Variants in NEURL1B observed in about 807,000 individuals in gnomAD.
The protein encoded by NEURL1B is E3 ubiquitin-protein ligase NEURL1B.
A neutral mutation model predicts 37.4 loss-of-function variants in NEURL1B; 13 were observed. The ratio of observed to expected loss-of-function variants is 0.35; its 90% confidence interval spans 0.23 to 0.55. NEURL1B has a LOEUF of 0.55. NEURL1B is among the 20% of genes least tolerant of loss of function. The probability of loss-of-function intolerance (pLI) is 0.89; values close to 1 mark genes in which losing one functional copy is unlikely to be tolerated. For synonymous variants in NEURL1B, 432 were observed against 426.6 expected (o/e 1.01, Z -0.16); for missense variants, 790 against 879.2 (o/e 0.90, Z 1.28).
intron 2 of NEURL1B, among the ~76,000 whole-genome samples, chr5:172,681,736 G>A (rs1356373684): frequency 1.3e-5 from 2 of 152,198 alleles, no homozygotes; most frequent in African/African-American, 4.8e-5. Context: ...CCGGGGCCTG[G>A]GGCATAATTC....
chr5:172,649,390 C>A (rs1227761662), intron 1 of NEURL1B, among the ~76,000 whole-genome samples: 1 of 104,432 alleles, frequency 9.6e-6, no homozygotes, highest in Non-Finnish European at 1.8e-5. Flanking sequence ...GAGACAGAGT[C>A]TTGCTCTGTT....
chr5:172,682,390 C>G (rs535525618), intron 2 of NEURL1B, among the ~76,000 whole-genome samples: 1 of 152,310 alleles, frequency 6.6e-6, no homozygotes, highest in Admixed American at 6.5e-5. Flanking sequence ...GCCTGGCCAA[C>G]ATGGCAAAGC....
chr5:172,683,611 C>T lies in NEURL1B; in HGVS notation c.770C>T (p.Ala257Val). The T allele has an allele frequency of 7.9e-7, 1 of 1,260,882 alleles. No homozygotes were observed. Among genetic ancestry groups the T allele is most frequent in the Non-Finnish European group, 1.0e-6 (1 of 1,002,476 alleles). 78.1% of individuals were successfully genotyped at this position (1,260,882 alleles called of 1,614,324 possible). A position where few individuals can be genotyped will look rare whatever the true frequency, so the allele number is the denominator to read the frequency against. Reference protein sequence around the residue: ...PGPPPADAAAAAIPCGPRERP... With the variant: ...PGPPPADAAAVAIPCGPRERP... ...CCACCGCCAGCCGACGCCGCGGCCG[C>T]CGCCATTCCGTGCGGGCCCCGTGAG... The change falls in exon 3 of 5, where the codon GCC becomes GTC. Residue 257 changes from alanine to valine, a missense_variant. Ala to Val is a moderately conservative substitution (Grantham distance 64). Coordinates refer to ENST00000369800, the MANE Select transcript of NEURL1B (RefSeq NM_001142651.3). This position sits in a 1 kb window ranked among gnomAD's most constrained non-coding sequence, Gnocchi z 5.6.
chr5:172,650,131 G>A (rs1237784287), intron 1 of NEURL1B, among the ~76,000 whole-genome samples: 1 of 152,170 alleles, frequency 6.6e-6, no homozygotes, highest in African/African-American at 2.4e-5. Context: ...GCATCCCTCA[G>A]GCACGTATTT....
In NEURL1B at chr5:172,689,820, G is replaced by A. The variant is rs3749714; in HGVS notation, c.*2895G>A. The A allele has an allele frequency of 0.097, 14,784 of 152,384 alleles. 770 individuals carry two copies. Among genetic ancestry groups the A allele is most frequent in the African/African-American group, 0.12 (5,026 of 41,510 alleles). The allele number at this position is 152,384 out of a possible 1,614,324, so 9.4% of individuals were successfully genotyped here. A position where few individuals can be genotyped will look rare whatever the true frequency, so the allele number is the denominator to read the frequency against. On this transcript the variant is annotated 3_prime_UTR_variant, in exon 5 of 5. Transcript: ENST00000369800. Reference sequence around the variant, plus strand: ...GTTCCAGCCCCAGCCAGGCCCCTCCGCTGCCCACACCCTGGGAGGAGAAGC... The same window carrying A: ...GTTCCAGCCCCAGCCAGGCCCCTCCACTGCCCACACCCTGGGAGGAGAAGC...
chr5:172,662,102 T>A (rs1757914066), intron 1 of NEURL1B: 1 of 152,118 alleles, frequency 6.6e-6, no homozygotes, highest in African/African-American at 2.4e-5. Flanking sequence ...CTAAATAAGG[T>A]GGTTAAAGGA....
At chr5:172,672,969 G>A (rs1411351456) in intron 2 of NEURL1B, among the ~76,000 whole-genome samples, 2 of 151,986 alleles carry the variant, frequency 1.3e-5, no homozygotes, top group African/African-American at 4.8e-5. Context: ...TGTCCTTTCT[G>A]AAGGTTATAT....
intron 2 of NEURL1B, among the ~76,000 whole-genome samples, chr5:172,673,139 ATGT>A (rs1758163355): frequency 6.6e-6 from 1 of 152,152 alleles, no homozygotes; most frequent in African/African-American, 2.4e-5. Context: ...ATCAGGAAAA[ATGT>A]TGTAATAAAA....
In NEURL1B at chr5:172,641,872, T is replaced by C. The variant is rs1018049679; in HGVS notation, c.31+435T>C. Among the ~76,000 whole-genome samples the C allele has an allele frequency of 5.3e-5, 8 of 152,304 alleles. No homozygotes were observed. Among genetic ancestry groups the C allele is most frequent in the African/African-American group, 1.9e-4 (8 of 41,566 alleles). On this transcript the variant is annotated intron_variant, in intron 1 of 4. Transcript: ENST00000369800. This position sits in a 1 kb window ranked among gnomAD's most constrained non-coding sequence, Gnocchi z 6.4. ...CAGCTGCCGAGAGTGAGGGGTGCTC[T>C]CAGGGGCACCCCAGTTTCCAGCCTC...
chr5:172,655,855 C>T (rs78011901), intron 1 of NEURL1B, among the ~76,000 whole-genome samples: 8,096 of 152,058 alleles, frequency 0.053, 425 homozygotes, highest in African/African-American at 0.14. Context: ...AACCAGAGAC[C>T]GCCCCCTGAG....
At chr5:172,680,942 A>C (rs1412771396) in intron 2 of NEURL1B, among the ~76,000 whole-genome samples, 2 of 152,250 alleles carry the variant, frequency 1.3e-5, no homozygotes, top group Non-Finnish European at 2.9e-5. Flanking sequence ...TTGTAAAAGA[A>C]AGAGGTTTAA....
intron 2 of NEURL1B, among the ~76,000 whole-genome samples, chr5:172,671,824 T>C (rs1434017402): frequency 2.0e-5 from 3 of 152,246 alleles, no homozygotes; most frequent in Admixed American, 1.3e-4. Flanking sequence ...GAGGAAAGAT[T>C]CATGCATCCA....
intron 1 of NEURL1B, among the ~76,000 whole-genome samples, chr5:172,645,644 C>T (rs1408012259): frequency 6.6e-6 from 1 of 152,218 alleles, no homozygotes; most frequent in Non-Finnish European, 1.5e-5. Context: ...TTCACGTTCA[C>T]TTGGGCTTTA....
At chr5:172,662,722 A>G (rs947331636) in intron 1 of NEURL1B, among the ~76,000 whole-genome samples, 1 of 152,180 alleles carries the variant, frequency 6.6e-6, no homozygotes, top group Non-Finnish European at 1.5e-5. Context: ...AGCAGTTCTT[A>G]TGTTGACCGG....
Position 172,683,906 on chromosome 5 carries a change from G to A in NEURL1B, c.1065G>A (p.Leu355=). The change falls in exon 3 of 5, where the codon CTG becomes CTA. Residue 355 remains leucine (L), a synonymous_variant. Coordinates refer to ENST00000369800, the MANE Select transcript of NEURL1B (RefSeq NM_001142651.3). The surrounding 1 kb of genome is among the most constrained non-coding windows in gnomAD (Gnocchi z 5.6). The part of the protein sequence containing the change: ...CDPGVLRPNE[L]PADPDALLDR... ...CGGGCGTGCTACGGCCCAACGAGCT[G>A]CCCGCCGACCCAGACGCGCTGCTCG... The A allele has an allele frequency of 7.1e-7, 1 of 1,414,772 alleles. No individual in the cohort carries two copies. Among genetic ancestry groups the A allele is most frequent in the Non-Finnish European group, 9.3e-7 (1 of 1,079,474 alleles). 87.6% of individuals were successfully genotyped at this position (1,414,772 alleles called of 1,614,324 possible). A position where few individuals can be genotyped will look rare whatever the true frequency, so the allele number is the denominator to read the frequency against.
intron 3 of NEURL1B, among the ~76,000 whole-genome samples, chr5:172,684,994 T>G (rs139211088): frequency 1.3e-5 from 2 of 152,184 alleles, no homozygotes; most frequent in Admixed American, 1.3e-4. Flanking sequence ...TCCCTTTGAC[T>G]CTATTGAAAT....
At position 172,676,846 on chromosome 5, in the gene NEURL1B, C is replaced by T. The variant is rs1267296106; in HGVS notation, c.577+6516C>T. On this transcript the variant is annotated intron_variant, in intron 2 of 4. Coordinates refer to ENST00000369800, the MANE Select transcript of NEURL1B (RefSeq NM_001142651.3). This position sits in a 1 kb window ranked among gnomAD's most constrained non-coding sequence, Gnocchi z 4.5. ...AACTCCACGTGGATAGAGAACTTGG[C>T]CAAGGTTGCATAACTGTTGGTGGTC... 1.3e-5 allele frequency among the ~76,000 whole-genome samples: 2 copies of T among 152,194 alleles called. No homozygotes were observed. Among genetic ancestry groups the T allele is most frequent in the Non-Finnish European group, 1.5e-5 (1 of 68,026 alleles).
intron 2 of NEURL1B, among the ~76,000 whole-genome samples, chr5:172,680,576 CTTTA>C (rs1416416895): frequency 1.3e-5 from 2 of 152,192 alleles, no homozygotes; most frequent in Non-Finnish European, 2.9e-5. Context: ...TTTATTCTAC[CTTTA>C]TTTATATGCC....
chr5:172,650,728 T>A (rs1283321382), intron 1 of NEURL1B, among the ~76,000 whole-genome samples: 1 of 152,210 alleles, frequency 6.6e-6, no homozygotes, highest in African/African-American at 2.4e-5. Context: ...GGAGCAATGG[T>A]GAGCGCACAC....
Sources: allele counts gnomAD v4.1 joint callset (sites outside exome capture counted in the v4.1 genomes callset), GRCh38; gene constraint gnomAD v4.1.1; non-coding constraint Gnocchi (gnomAD v3.1); transcripts MANE v1.5; gene names NCBI Gene and HGNC (gene_info 2026-07-23, HGNC 2026-07-21).